Variants in KLF8 observed in about 807,000 individuals in gnomAD.
The protein encoded by KLF8 is KLF transcription factor 8.
In KLF8, 10 loss-of-function variants were observed where a neutral mutation model predicts 18.2. The observed-to-expected ratio is 0.55, with a 90% CI of 0.34 to 0.93. The LOEUF is 0.93. KLF8 is among the 40% of genes least tolerant of loss of function. KLF8 has a pLI of 0.02. For synonymous variants in KLF8, 109 were observed against 97.3 expected, an observed-to-expected ratio of 1.12 and a Z score of -0.71; for missense variants, 264 against 277.9, an observed-to-expected ratio of 0.95 and a Z score of 0.36.
At chrX:56,138,109 A>G in the KLF8 span, among the ~76,000 whole-genome samples, 1 of 106,563 alleles carries the variant, frequency 9.4e-6, no homozygotes, top group African/African-American at 3.4e-5. Context: ...CACAAACTGG[A>G]TGACCTCCTA....
chrX:56,091,784 C>T, the KLF8 span, among the ~76,000 whole-genome samples: 2 of 111,935 alleles, frequency 1.8e-5, no homozygotes, highest in African/African-American at 6.5e-5. Context: ...CATGAGCCAT[C>T]GTGCCTAGCT....
the KLF8 span, among the ~76,000 whole-genome samples, chrX:56,156,518 A>G: frequency 1.8e-5 from 2 of 109,196 alleles, no homozygotes; most frequent in South Asian, 3.9e-4. Context: ...TTAGTTTGCT[A>G]AGGATAATGG....
chrX:56,172,362 T>A, the KLF8 span, among the ~76,000 whole-genome samples: 1 of 111,198 alleles, frequency 9.0e-6, no homozygotes, highest in Non-Finnish European at 1.9e-5. Flanking sequence ...CACTGTTTGG[T>A]TTTTTGTCCT....
chrX:56,178,214 T>G, the KLF8 span, among the ~76,000 whole-genome samples: 4 of 112,544 alleles, frequency 3.6e-5, no homozygotes, highest in African/African-American at 1.3e-4. Context: ...CTGTAGCGAT[T>G]TGCATTTCTC....
the KLF8 span, among the ~76,000 whole-genome samples, chrX:56,146,166 G>A: frequency 3.6e-5 from 4 of 111,841 alleles, no homozygotes; most frequent in Non-Finnish European, 7.5e-5. Context: ...ATTCCTCAAG[G>A]ATCTAGAACT....
the KLF8 span, among the ~76,000 whole-genome samples, chrX:55,944,932 A>G: frequency 4.5e-5 from 5 of 110,397 alleles, no homozygotes; most frequent in African/African-American, 1.6e-4. Context: ...TAGGGTGTCA[A>G]TTTTGGATCT....
the KLF8 span, among the ~76,000 whole-genome samples, chrX:55,997,514 G>A: frequency 9.0e-6 from 1 of 111,656 alleles, no homozygotes; most frequent in African/African-American, 3.3e-5. Context: ...CTCAGGGCCA[G>A]TATGATTCCT....
chrX:56,076,730 T>G, the KLF8 span, among the ~76,000 whole-genome samples: 1 of 111,844 alleles, frequency 8.9e-6, no homozygotes, highest in East Asian at 2.8e-4. Flanking sequence ...ACTTCCACAA[T>G]GGTTGAACTA....
intron 1 of KLF8, among the ~76,000 whole-genome samples, chrX:56,248,633 A>C (rs1334100231): frequency 9.0e-6 from 1 of 111,024 alleles, no homozygotes; most frequent in Non-Finnish European, 1.9e-5. Flanking sequence ...AATCTTCTCC[A>C]CTCCTACGCA....
At position 56,284,697 on chromosome X, in the gene KLF8, C is replaced by T. The variant is rs923128060; in HGVS notation, c.*203C>T. 3.3e-6 allele frequency: 1 copy of T among 301,732 alleles called. No individual in the cohort carries two copies. Among genetic ancestry groups the T allele is most frequent in the African/African-American group, 2.7e-5 (1 of 36,964 alleles). 24.9% of individuals were successfully genotyped at this position (301,732 alleles called of 1,213,427 possible). A position where few individuals can be genotyped will look rare whatever the true frequency, so the allele number is the denominator to read the frequency against. On this transcript the variant is annotated 3_prime_UTR_variant, in exon 6 of 6. Transcript: ENST00000468660. ...TACCTTCACTTCTCCACTGTCCAGA[C>T]CCGTTTTTTTCAACCTCCACATGGG... is the stretch of plus-strand genomic sequence containing the variant.
At chrX:56,018,151 T>G in the KLF8 span, among the ~76,000 whole-genome samples, 1 of 111,593 alleles carries the variant, frequency 9.0e-6, no homozygotes, top group Non-Finnish European at 1.9e-5. Context: ...TAACTGTATC[T>G]TTGTACCTGT....
chrX:55,986,931 C>G, the KLF8 span, among the ~76,000 whole-genome samples: 14 of 111,535 alleles, frequency 1.3e-4, no homozygotes, highest in Non-Finnish European at 2.3e-4. Context: ...CAATTCCATC[C>G]AAGTTTCTGC....
At chrX:56,136,729 G>A in the KLF8 span, among the ~76,000 whole-genome samples, 1 of 111,364 alleles carries the variant, frequency 9.0e-6, no homozygotes, top group Non-Finnish European at 1.9e-5. Flanking sequence ...AAAAGCAATG[G>A]CAACAAAAGC....
At chrX:56,186,344 C>A in the KLF8 span, among the ~76,000 whole-genome samples, 1 of 111,916 alleles carries the variant, frequency 8.9e-6, no homozygotes, top group African/African-American at 3.2e-5. Context: ...AATATATATG[C>A]ACTCAATACA....
the KLF8 span, among the ~76,000 whole-genome samples, chrX:56,055,012 G>A: frequency 4.5e-5 from 5 of 111,595 alleles, no homozygotes; most frequent in East Asian, 5.6e-4. Flanking sequence ...TTGCCAATGG[G>A]TCTTGGAATT....
At chrX:56,046,372 T>C in the KLF8 span, among the ~76,000 whole-genome samples, 1 of 111,628 alleles carries the variant, frequency 9.0e-6, no homozygotes, top group Non-Finnish European at 1.9e-5. Flanking sequence ...TACTCTGTTA[T>C]TAGTACTTTG....
the KLF8 span, among the ~76,000 whole-genome samples, chrX:56,183,880 C>T: frequency 5.4e-5 from 6 of 111,132 alleles, no homozygotes; most frequent in Admixed American, 9.5e-5. Flanking sequence ...AATCAGGACC[C>T]GGAGGTGGCA....
chrX:55,953,794 A>C, the KLF8 span, among the ~76,000 whole-genome samples: 2 of 110,974 alleles, frequency 1.8e-5, no homozygotes, highest in African/African-American at 6.5e-5. Flanking sequence ...CCCTTACTTC[A>C]TACCATACAT....
chrX:56,131,030 A>C, the KLF8 span, among the ~76,000 whole-genome samples: 1 of 111,389 alleles, frequency 9.0e-6, no homozygotes, highest in Non-Finnish European at 1.9e-5. Flanking sequence ...ACCTAAGAAT[A>C]AGAAAGTGGA....
Sources: allele counts gnomAD v4.1 joint callset (sites outside exome capture counted in the v4.1 genomes callset), GRCh38; gene constraint gnomAD v4.1.1; transcripts MANE v1.5; gene names NCBI Gene and HGNC (gene_info 2026-07-23, HGNC 2026-07-21).